The following SYNE1 variants were observed in gnomAD, a reference collection of about 807,000 sequenced individuals.
SYNE1 encodes spectrin repeat containing nuclear envelope protein 1.
A neutral mutation model predicts 1,111.0 loss-of-function variants in SYNE1; 616 were observed. That is an observed-to-expected ratio of 0.55 (90% CI 0.52 to 0.59). The LOEUF is 0.59. Ranked by LOEUF, SYNE1 falls within the 20% of genes least tolerant of loss-of-function variation. The probability of loss-of-function intolerance (pLI) is 0.00; values close to 1 mark genes in which losing one functional copy is unlikely to be tolerated. For missense variants in SYNE1, 10,006 were observed against 10,417.0 expected (o/e 0.96, Z 1.72); for synonymous variants, 3,855 against 3,825.8 (o/e 1.01, Z -0.28).
chr6:152,487,669 C>T (rs965829775), intron 12 of SYNE1, among the ~76,000 whole-genome samples: 2 of 152,176 alleles, frequency 1.3e-5, no homozygotes, highest in Non-Finnish European at 2.9e-5. Context: ...TTAATGGACC[C>T]TCCAATACTC....
rs368653411 is a variant in SYNE1 at position 152,330,967 on chromosome 6, T to G, written c.13718A>C (p.Lys4573Thr). ...TGCTTGTTTTAGCCAGTGGCAAGCT[T>G]TATCAAAATCTTCCTTAAAATGCTT... is the stretch of plus-strand genomic sequence containing the variant. Reference protein sequence around the residue: ...SRKHFKEDFDKACHWLKQADI... With the variant: ...SRKHFKEDFDTACHWLKQADI... The change falls in exon 78 of 146, where the codon AAA becomes ACA. Residue 4573 changes from lysine (K) to threonine (T), a missense_variant. By Grantham distance (78) the Lys-to-Thr change is moderately conservative. This residue lies in a region of SYNE1 where 4,955 missense variants were observed against 5,017.2 expected (regional missense o/e 0.99). Transcript: ENST00000367255. 6.8e-6 allele frequency: 11 copies of G among 1,614,002 alleles called. No homozygotes were observed. In the African/African-American group the frequency reaches 1.1e-4, roughly 16 times the overall value.
intron 115 of SYNE1, among the ~76,000 whole-genome samples, chr6:152,228,941 A>G (rs1479197279): frequency 6.6e-6 from 1 of 152,092 alleles, no homozygotes. Context: ...TAAAAAAACT[A>G]TTATTACTTC....
intron 130 of SYNE1, among the ~76,000 whole-genome samples, chr6:152,166,037 G>A (rs2063584834): frequency 6.6e-6 from 1 of 152,186 alleles, no homozygotes; most frequent in South Asian, 2.1e-4. Context: ...TGTCTTCTCA[G>A]CAGCCTCTCC....
At position 152,152,120 on chromosome 6, in the gene SYNE1, CGTGGA is replaced by C; in HGVS notation, c.24146_24150del (p.Val8049GlyfsTer23). 6.2e-7 allele frequency: 1 copy of C among 1,614,110 alleles called. No homozygotes were observed. Among genetic ancestry groups the C allele is most frequent in the Non-Finnish European group, 8.5e-7 (1 of 1,180,036 alleles). On this transcript the variant is annotated frameshift_variant, in exon 134 of 146. Coordinates refer to ENST00000367255, the MANE Select transcript of SYNE1 (RefSeq NM_182961.4). LOFTEE classifies it high-confidence loss of function. ...ATCAGTTCCAGCTGCGTCAGGCACT[CGTGGA>C]CCTGTCGCTGGAAAGCCTAAGGCCA...
chr6:152,445,012 T>G (rs1429058797), intron 29 of SYNE1, among the ~76,000 whole-genome samples: 1 of 152,132 alleles, frequency 6.6e-6, no homozygotes, highest in Non-Finnish European at 1.5e-5. Context: ...CTCAGCCTTA[T>G]TCCATTATCA....
chr6:152,222,599 T>C (rs1220266203), intron 117 of SYNE1, among the ~76,000 whole-genome samples: 1 of 152,238 alleles, frequency 6.6e-6, no homozygotes, highest in Non-Finnish European at 1.5e-5. Flanking sequence ...TTTTGATATA[T>C]GTTTACATTG....
At chr6:152,337,549 A>T (rs1030121561) in intron 75 of SYNE1, among the ~76,000 whole-genome samples, 2 of 152,194 alleles carry the variant, frequency 1.3e-5, no homozygotes, top group Non-Finnish European at 2.9e-5. Context: ...TTGGCCTCCC[A>T]AAGTGCTGGG....
At chr6:152,405,476 A>G (rs2097883966) in intron 45 of SYNE1, among the ~76,000 whole-genome samples, 1 of 152,236 alleles carries the variant, frequency 6.6e-6, no homozygotes, top group East Asian at 1.9e-4. Flanking sequence ...GATGTCAATA[A>G]CTCAAAGGCC....
At chr6:152,153,720 G>A (rs2060853529) in intron 133 of SYNE1, among the ~76,000 whole-genome samples, 2 of 152,138 alleles carry the variant, frequency 1.3e-5, no homozygotes, top group South Asian at 4.2e-4. Context: ...AGTTTTCTAA[G>A]GGAGTATCTT....
rs201482379 is a variant in SYNE1 at position 152,143,171 on chromosome 6, CT to C, written c.25119+451del. 9.3e-3 allele frequency among the ~76,000 whole-genome samples: 1,416 copies of C among 152,234 alleles called. 25 individuals carry two copies. The highest frequency in any genetic ancestry group is 0.032 in the African/African-American group (1,327 of 41,528). On this transcript the variant is annotated intron_variant, in intron 138 of 145. Coordinates refer to ENST00000367255, the MANE Select transcript of SYNE1 (RefSeq NM_182961.4). ...AACTGTTTTCTTCAGAATGAGCACA[CT>C]AAAAAACAGAAGAGAAAAACATTCC...
At chr6:152,143,835 A>T in intron 137 of SYNE1, 70 bp from the exon 138 acceptor site, 1 of 1,606,698 alleles carries the variant, frequency 6.2e-7, no homozygotes, top group Non-Finnish European at 8.5e-7. Context: ...ATATTCAAGG[A>T]GAAGTTTCAG....
At position 152,293,603 on chromosome 6, in the gene SYNE1, C is replaced by A; in HGVS notation, c.17997G>T (p.Gln5999His). The A allele has an allele frequency of 6.2e-7, 1 of 1,614,132 alleles. No homozygotes were observed. Among genetic ancestry groups the A allele is most frequent in the Non-Finnish European group, 8.5e-7 (1 of 1,180,014 alleles). ...CTATTTGTACCTGATGTTCAGCCAT[C>A]TGGCTTTCTGGACTCCTGCCAGGCT... ...SPEPGRSPES[Q>H]MAEHQALMDE... is the part of the protein sequence containing the mutation. Residue 5999 changes from glutamine (Q) to histidine (H), a missense_variant, in exon 95 of 146, where the codon CAG becomes CAT. By Grantham distance (24) the Gln-to-His change is conservative (BLOSUM62 0). Coordinates refer to ENST00000367255, the MANE Select transcript of SYNE1 (RefSeq NM_182961.4).
At position 152,381,048 on chromosome 6, in the gene SYNE1, C is replaced by T; in HGVS notation, c.8967G>A (p.Lys2989=). 2 of 1,614,146 alleles carry T rather than the reference C, an allele frequency of 1.2e-6. No individual in the cohort carries two copies. The highest frequency in any genetic ancestry group is 1.3e-5 in the African/African-American group (1 of 75,026). ...WAQQLTLLEG[K]NTDEEIVECW... is the part of the protein sequence containing the mutation. ...ATTCCACTATCTCCTCATCCGTGTTCTTGCCTTCCAGGAGGGTTAACTGCT... is the reference window on the plus strand; with the variant it reads ...ATTCCACTATCTCCTCATCCGTGTTTTTGCCTTCCAGGAGGGTTAACTGCT... The change falls in exon 56 of 146, where the codon AAG becomes AAA. Residue 2989 remains lysine (K), a synonymous_variant. Transcript: ENST00000367255.
rs949257779 is a variant in SYNE1, at chr6:152,236,141, G to A, written c.20362C>T (p.His6788Tyr). The A allele has an allele frequency of 1.2e-6, 2 of 1,614,054 alleles. No individual in the cohort carries two copies. Among genetic ancestry groups the A allele is most frequent in the African/African-American group, 2.7e-5 (2 of 74,928 alleles). The change falls in exon 110 of 146, where the codon CAC (histidine) becomes TAC (tyrosine). Residue 6788 changes from histidine to tyrosine, a missense_variant. Coordinates refer to ENST00000367255, the MANE Select transcript of SYNE1 (RefSeq NM_182961.4). ...TGTTTCAATATTGTTTCCAGTCTGT[G>A]AAGTTCCTTAGACATTTTATTGGTG... Reference protein sequence around the residue: ...SNTNKMSKELHRLETILKHWT... With the variant: ...SNTNKMSKELYRLETILKHWT...
intron 140 of SYNE1, among the ~76,000 whole-genome samples, chr6:152,138,438 G>A (rs970575652): frequency 6.6e-6 from 1 of 151,808 alleles, no homozygotes; most frequent in African/African-American, 2.4e-5. Flanking sequence ...TTGAACACAG[G>A]AGACGGAGGT....
chr6:152,516,726 A>T (rs2099113938), intron 6 of SYNE1, among the ~76,000 whole-genome samples: 1 of 151,972 alleles, frequency 6.6e-6, no homozygotes, highest in Non-Finnish European at 1.5e-5. Context: ...CCATAGGCGC[A>T]TGCCACCACA....
chr6:152,213,885 C>T (rs2078032962), intron 122 of SYNE1, 126 bp from the exon 123 acceptor site: 1 of 1,362,898 alleles, frequency 7.3e-7, no homozygotes, highest in Non-Finnish European at 1.0e-6. Context: ...GCTTTCATGT[C>T]AGGTGGTAAA....
intron 130 of SYNE1, among the ~76,000 whole-genome samples, chr6:152,172,120 A>C (rs969436696): frequency 2.0e-5 from 3 of 152,238 alleles, no homozygotes; most frequent in African/African-American, 7.2e-5. Context: ...AGAACAGGTA[A>C]ACATGTAGAA....
rs148367376 is a variant in SYNE1, at chr6:152,148,215, C to T, written c.24806G>A (p.Arg8269Gln). 22 of 1,614,092 alleles carry T rather than the reference C, an allele frequency of 1.4e-5. No homozygotes were observed. The highest frequency in any genetic ancestry group is 1.0e-4 in the Admixed American group (6 of 60,004). ...ACTAGCCGGGGTGTCTCGTCCTGAC[C>T]GCTCGCTCCGGAGGGGCTGAGCGAG... ...LSLAQPLRSE[R>Q]SGRDTPASVD... The change falls in exon 137 of 146, where the codon CGG becomes CAG. Residue 8269 changes from arginine to glutamine, a missense_variant. Coordinates refer to ENST00000367255, the MANE Select transcript of SYNE1 (RefSeq NM_182961.4). This position sits in a 1 kb window ranked among gnomAD's most constrained non-coding sequence, Gnocchi z 4.1.
Sources: gnomAD v4.1 joint callset for allele counts (sites outside exome capture counted in the v4.1 genomes callset) on GRCh38, gnomAD v4.1.1 for gene constraint, gnomAD v4.1.1 regional missense constraint, Gnocchi (gnomAD v3.1) non-coding constraint, MANE v1.5 for transcripts, NCBI Gene and HGNC (gene_info 2026-07-23, HGNC 2026-07-21) for gene names.